MYO7A: variants seen among roughly 807,000 people sequenced by gnomAD.
MYO7A encodes unconventional myosin-VIIa.
A neutral mutation model predicts 263.8 loss-of-function variants in MYO7A; 210 were observed. The observed-to-expected ratio is 0.80, with a 90% CI of 0.71 to 0.89. MYO7A has a LOEUF of 0.89. Ranked by LOEUF, MYO7A falls within the 40% of genes least tolerant of loss-of-function variation. The pLI is 0.00. For synonymous variants in MYO7A, 1,239 were observed against 1,197.3 expected, an observed-to-expected ratio of 1.03 and a Z score of -0.72; for missense variants, 2,820 against 2,968.3, an observed-to-expected ratio of 0.95 and a Z score of 1.16.
In MYO7A at chr11:77,162,917, C is replaced by G. The variant is rs782607566; in HGVS notation, c.1619C>G (p.Pro540Arg). ...SQHKLNANYI[P>R]PKNNHETQFG... is the part of the protein sequence containing the mutation. ...CACAAGCTCAACGCCAACTACATCC[C>G]CCCCAAGAACAACCATGAGACCCAG... Residue 540 changes from proline (P) to arginine (R), a missense_variant, in exon 14 of 49, where the codon CCC becomes CGC. Physicochemically the swap from Pro to Arg is moderately radical, Grantham distance 103. Coordinates refer to ENST00000409709, the MANE Select transcript of MYO7A (RefSeq NM_000260.4). 2.5e-6 allele frequency: 4 copies of G among 1,613,702 alleles called. No individual in the cohort carries two copies. The highest frequency in any genetic ancestry group is 1.3e-5 in the African/African-American group (1 of 74,858).
At chr11:77,202,498 C>T in intron 37 of MYO7A, 74 bp downstream of exon 37, 1 of 1,506,214 alleles carries the variant, frequency 6.6e-7, no homozygotes, top group Non-Finnish European at 8.9e-7. Flanking sequence ...TGGTCGTGTG[C>T]TGGGGCTGCT....
chr11:77,175,553 C>A, intron 18 of MYO7A, 89 bp downstream of exon 18: 2 of 1,238,118 alleles, frequency 1.6e-6, no homozygotes, highest in Non-Finnish European at 2.4e-6. Flanking sequence ...GGAGGCAGTG[C>A]TGGGGCTTTG....
rs906265737 is a variant in MYO7A at position 77,203,083 on chromosome 11, G to C, written c.5192G>C (p.Ser1731Thr). The change falls in exon 38 of 49, where the codon AGC (serine) becomes ACC (threonine). Residue 1731 changes from serine to threonine, a missense_variant. Physicochemically the swap from Ser to Thr is moderately conservative, Grantham distance 58. Transcript: ENST00000409709. ...AGGCCCCCACCCAAGCACACGCTGA[G>C]CCGTGTCATGGTGTCCAAGGCCCGA... Reference protein sequence around the residue: ...YFRPPPKHTLSRVMVSKARGK... With the variant: ...YFRPPPKHTLTRVMVSKARGK... 2 of 1,548,412 alleles carry C rather than the reference G, an allele frequency of 1.3e-6. No homozygotes were observed. Among genetic ancestry groups the C allele is most frequent in the Non-Finnish European group, 1.7e-6 (2 of 1,146,826 alleles).
chr11:77,213,761 G>C (rs1283024875), intron 47 of MYO7A, 99 bp from the exon 48 acceptor site: 1 of 1,552,422 alleles, frequency 6.4e-7, no homozygotes, highest in African/African-American at 1.4e-5. Context: ...CCGGCCATGG[G>C]CTCCTCTGAG....
intron 2 of MYO7A, chr11:77,139,517 A>C (rs889431343): frequency 4.7e-5 from 7 of 149,276 alleles, no homozygotes; most frequent in African/African-American, 1.7e-4. Context: ...CAGTGTGTAA[A>C]GTTGTCACGG....
chr11:77,168,158 G>A (rs966498121), intron 15 of MYO7A, among the ~76,000 whole-genome samples: 19 of 152,090 alleles, frequency 1.2e-4, no homozygotes, highest in African/African-American at 7.2e-5. Context: ...CCTCCTACCC[G>A]TTCTTCTCTC....
At chr11:77,191,637 G>A (rs140582288) in intron 30 of MYO7A, among the ~76,000 whole-genome samples, 1,529 of 152,308 alleles carry the variant, frequency 0.01, 4 homozygotes, top group Middle Eastern at 0.02. Flanking sequence ...TCGGCTGAGC[G>A]GGACCTGGGG....
At chr11:77,194,621 G>A in intron 32 of MYO7A, 97 bp downstream of exon 32, 1 of 1,314,824 alleles carries the variant, frequency 7.6e-7, no homozygotes, top group Non-Finnish European at 1.0e-6. Flanking sequence ...GGGCTGCGGG[G>A]GATGGGATGG....
rs199575418 is a variant in MYO7A, at chr11:77,181,567, G to A, written c.2882G>A (p.Gly961Asp). The change falls in exon 23 of 49, where the codon GGC (glycine) becomes GAC (aspartate). Residue 961 changes from glycine (G) to aspartate (D), a missense_variant. Coordinates refer to ENST00000409709, the MANE Select transcript of MYO7A (RefSeq NM_000260.4). ...GTSGGLPGQE[G>D]QAPSGFEDLE... is the part of the protein sequence containing the mutation. Reference sequence around the variant, plus strand: ...TCAGGTGGCCTGCCAGGCCAGGAGGGCCAGGCACCTAGTGGCTTTGAGGTA... The same window carrying A: ...TCAGGTGGCCTGCCAGGCCAGGAGGACCAGGCACCTAGTGGCTTTGAGGTA... The A allele has an allele frequency of 1.3e-4, 206 of 1,613,288 alleles. No homozygotes were observed. In the African/African-American group the frequency reaches 2.5e-3, roughly 19 times the overall value.
At chr11:77,191,051 G>A (rs1014007876) in intron 30 of MYO7A, 181 bp downstream of exon 30, 2 of 657,810 alleles carry the variant, frequency 3.0e-6, no homozygotes, top group Non-Finnish European at 4.9e-6. Flanking sequence ...GCCAGGTGCG[G>A]TGGTTCACAC....
intron 31 of MYO7A, among the ~76,000 whole-genome samples, chr11:77,193,031 TTGTTGGTGATGGTGGAGGTGGTGATGG>T (rs1193032645): frequency 1.1e-5 from 1 of 91,174 alleles, no homozygotes; most frequent in Non-Finnish European, 1.9e-5. Context: ...AGCGATGGTG[TTGTTGGTGATGGTGGAGGTGGTGATGG>T]TGTTGGTGAT....
At chr11:77,192,320 A>G (rs1408166475) in intron 31 of MYO7A, 42 bp downstream of exon 31, 1 of 1,587,286 alleles carries the variant, frequency 6.3e-7, no homozygotes, top group Non-Finnish European at 8.7e-7. Flanking sequence ...CTTGGCTCAC[A>G]GCCTCCTGCT....
At position 77,207,367 on chromosome 11, in the gene MYO7A, G is replaced by A. The variant is rs1248754250; in HGVS notation, c.5821G>A (p.Glu1941Lys). 6.2e-7 allele frequency: 1 copy of A among 1,611,768 alleles called. No individual in the cohort carries two copies. The highest frequency in any genetic ancestry group is 2.2e-5 in the East Asian group (1 of 44,808). Residue 1941 changes from glutamate to lysine, a missense_variant, in exon 42 of 49, where the codon GAG becomes AAG. Transcript: ENST00000409709. ...CACCAGGCTGCTCCTCAAGTCCTCA[G>A]AGGGATTCAGCCTCTTTGTCAAAAT... ...IATRLLLKSS[E>K]GFSLFVKIAD... is the part of the protein sequence containing the mutation.
At chr11:77,175,918 G>T (rs1002387605) in intron 18 of MYO7A, among the ~76,000 whole-genome samples, 1 of 152,252 alleles carries the variant, frequency 6.6e-6, no homozygotes, top group Non-Finnish European at 1.5e-5. Context: ...CCGTCACTCT[G>T]TAGGGAGCTC....
In MYO7A at chr11:77,186,298, C is replaced by T. The variant is rs114277756; in HGVS notation, c.3503+1583C>T. On this transcript the variant is annotated intron_variant, in intron 27 of 48. Coordinates refer to ENST00000409709, the MANE Select transcript of MYO7A (RefSeq NM_000260.4). ...TGGCTTCAATTGAAAGTCAGCAGTGCATTAGCTCCTGACAGGAGAGTCAGC... is the reference window on the plus strand; with the variant it reads ...TGGCTTCAATTGAAAGTCAGCAGTGTATTAGCTCCTGACAGGAGAGTCAGC... 6.6e-3 allele frequency among the ~76,000 whole-genome samples: 1,011 copies of T among 152,308 alleles called. 15 individuals carry two copies. Among genetic ancestry groups the T allele is most frequent in the African/African-American group, 0.023 (965 of 41,564 alleles).
chr11:77,190,195 CGT>C lies in MYO7A; in HGVS notation c.3750+69_3750+70del, dbSNP rs143556375. On this transcript the variant is annotated intron_variant, in intron 29 of 48. Coordinates refer to ENST00000409709, the MANE Select transcript of MYO7A (RefSeq NM_000260.4). ...GCATGTGTGCGCACGTGTGTAAATG[CGT>C]GTGTGTGTGTGTCCAGTGCACTCGA... 7,139 of 1,296,876 alleles carry C rather than the reference CGT, an allele frequency of 5.5e-3. 43 individuals carry two copies. The highest frequency in any genetic ancestry group is 0.037 in the African/African-American group (2,456 of 66,486). The allele number at this position is 1,296,876 out of a possible 1,614,324, so 80.3% of individuals were successfully genotyped here.
In MYO7A at chr11:77,201,544, A is replaced by G. The variant is rs1957064372; in HGVS notation, c.4949A>G (p.Asn1650Ser). Residue 1650 changes from asparagine to serine, a missense_variant, in exon 36 of 49, where the codon AAC becomes AGC. Asn to Ser is a conservative substitution (Grantham distance 46). Transcript: ENST00000409709. ...GEQVMNSGWANGINERTKQRG... is the reference protein window; with the variant it reads ...GEQVMNSGWASGINERTKQRG... ...CAGGTCATGAACTCGGGCTGGGCCA[A>G]CGGCATCAATGAGAGGACCAAGCAG... The G allele has an allele frequency of 6.2e-7, 1 of 1,613,812 alleles. No individual in the cohort carries two copies. The highest frequency in any genetic ancestry group is 8.5e-7 in the Non-Finnish European group (1 of 1,179,894).
At chr11:77,204,358 C>T (rs771789194) in intron 39 of MYO7A, 129 bp downstream of exon 39, 2 of 1,294,862 alleles carry the variant, frequency 1.5e-6, no homozygotes, top group Non-Finnish European at 2.1e-6. Flanking sequence ...GGGAGCTGCT[C>T]ATGGGCCCCC....
intron 26 of MYO7A, among the ~76,000 whole-genome samples, chr11:77,183,920 C>G (rs1471385398): frequency 1.3e-5 from 2 of 152,128 alleles, no homozygotes; most frequent in African/African-American, 4.8e-5. Context: ...GCTTAGTATT[C>G]AAGGGACCCA....
Sources: allele counts gnomAD v4.1 joint callset (sites outside exome capture counted in the v4.1 genomes callset), GRCh38; gene constraint gnomAD v4.1.1; transcripts MANE v1.5; gene names NCBI Gene and HGNC (gene_info 2026-07-23, HGNC 2026-07-21).